Variants in MYO3B observed in about 807,000 individuals in gnomAD.
The protein encoded by MYO3B is myosin IIIB.
MYO3B carries 156 observed loss-of-function variants against 174.6 expected under a neutral mutation model. The observed-to-expected ratio is 0.89, with a 90% CI of 0.78 to 1.02. MYO3B has a LOEUF of 1.02. Ranked by LOEUF, MYO3B falls within the 50% of genes least tolerant of loss-of-function variation. MYO3B has a pLI of 0.00. For missense variants in MYO3B, 1,632 were observed against 1,639.4 expected (o/e 1.00, Z 0.08); for synonymous variants, 563 against 569.1 (o/e 0.99, Z 0.15).
Position 170,646,807 on chromosome 2 carries a change from A to G in MYO3B, c.3734-4821A>G, listed in dbSNP as rs1038976970. ...TTAACCTTATGGTGTATGAATTAAT[A>G]GAGAAGCAGTAACAATTGTTAAATT... On this transcript the variant is annotated intron_variant, in intron 32 of 34. Transcript: ENST00000408978. 1.7e-5 allele frequency: 11 copies of G among 661,962 alleles called. No individual in the cohort carries two copies. In the African/African-American group the frequency reaches 1.9e-4, roughly 11 times the overall value. The allele number at this position is 661,962 out of a possible 1,614,324, so 41.0% of individuals were successfully genotyped here. A position where few individuals can be genotyped will look rare whatever the true frequency, so the allele number is the denominator to read the frequency against.
At chr2:170,412,876 C>T (rs1260994493) in intron 22 of MYO3B, among the ~76,000 whole-genome samples, 1 of 152,152 alleles carries the variant, frequency 6.6e-6, no homozygotes, top group Non-Finnish European at 1.5e-5. Flanking sequence ...TCAGGGAGGC[C>T]TGGGGAGTGA....
At chr2:170,466,440 C>A (rs556421085) in intron 24 of MYO3B, 66 bp from the exon 25 acceptor site, 6 of 1,468,370 alleles carry the variant, frequency 4.1e-6, no homozygotes, top group Non-Finnish European at 5.7e-6. Context: ...CTTCTGCGGG[C>A]CTGTGTTGTA....
intron 30 of MYO3B, among the ~76,000 whole-genome samples, chr2:170,526,708 C>T (rs1300420870): frequency 2.0e-5 from 3 of 152,176 alleles, no homozygotes; most frequent in African/African-American, 7.2e-5. Flanking sequence ...CGTGTATTTT[C>T]AAAACCTTTT....
chr2:170,361,528 C>A (rs2094160939), intron 8 of MYO3B, among the ~76,000 whole-genome samples: 1 of 152,210 alleles, frequency 6.6e-6, no homozygotes, highest in Non-Finnish European at 1.5e-5. Context: ...CAACCTTATC[C>A]CCATTCTTTG....
chr2:170,383,539 G>C (rs1171723352), intron 11 of MYO3B, among the ~76,000 whole-genome samples, 171 bp from the exon 12 acceptor site: 1 of 152,146 alleles, frequency 6.6e-6, no homozygotes, highest in Non-Finnish European at 1.5e-5. Context: ...AAGCCAGTAA[G>C]TATAGAAGTG....
chr2:170,332,655 T>A (rs1255087328), intron 7 of MYO3B, among the ~76,000 whole-genome samples: 1 of 152,172 alleles, frequency 6.6e-6, no homozygotes, highest in Non-Finnish European at 1.5e-5. Context: ...CAAATGAGGT[T>A]CTCTTAACCA....
intron 7 of MYO3B, among the ~76,000 whole-genome samples, chr2:170,308,371 G>A (rs2093715003): frequency 6.6e-6 from 1 of 152,206 alleles, no homozygotes; most frequent in African/African-American, 2.4e-5. Context: ...ATGTTGCTGA[G>A]TGCGACACAT....
rs6715525 is a variant in MYO3B at position 170,561,351 on chromosome 2, A to G, written c.3733+17363A>G. 4.5e-3 allele frequency among the ~76,000 whole-genome samples: 682 copies of G among 152,348 alleles called. 4 individuals carry two copies. The highest frequency in any genetic ancestry group is 0.015 in the African/African-American group (641 of 41,580). On this transcript the variant is annotated intron_variant, in intron 32 of 34. Coordinates refer to ENST00000408978, the MANE Select transcript of MYO3B (RefSeq NM_138995.5). Reference sequence around the variant, plus strand: ...CATATACTGCATAAAGGTTTTACTTACTAGTTATCTGTACCCAGAGGATTC... The same window carrying G: ...CATATACTGCATAAAGGTTTTACTTGCTAGTTATCTGTACCCAGAGGATTC...
At chr2:170,626,315 T>C (rs1696426588) in intron 32 of MYO3B, among the ~76,000 whole-genome samples, 1 of 152,234 alleles carries the variant, frequency 6.6e-6, no homozygotes, top group African/African-American at 2.4e-5. Context: ...GTAATGGCCT[T>C]CTTTATCTCT....
intron 32 of MYO3B, among the ~76,000 whole-genome samples, chr2:170,628,907 G>A (rs1214604984): frequency 1.3e-5 from 2 of 152,000 alleles, no homozygotes; most frequent in Non-Finnish European, 1.5e-5. Context: ...ACTCTGATCA[G>A]GTCTGGGTTT....
chr2:170,628,950 A>G (rs1696703048), intron 32 of MYO3B, among the ~76,000 whole-genome samples: 1 of 152,166 alleles, frequency 6.6e-6, no homozygotes, highest in Non-Finnish European at 1.5e-5. Context: ...ATGTAGGCAC[A>G]CTTACATCCT....
At chr2:170,518,169 G>A (rs367686815) in intron 29 of MYO3B, among the ~76,000 whole-genome samples, 172 of 152,238 alleles carry the variant, frequency 1.1e-3, no homozygotes, top group African/African-American at 3.9e-3. Flanking sequence ...GAACCAAACT[G>A]ACAATTTAAA....
At chr2:170,397,221 T>G (rs2094446610) in intron 16 of MYO3B, among the ~76,000 whole-genome samples, 5 of 152,240 alleles carry the variant, frequency 3.3e-5, no homozygotes, top group Admixed American at 3.3e-4. Flanking sequence ...TCGTTTAAAA[T>G]CTTCATTTGT....
chr2:170,312,238 A>G (rs1291272818), intron 7 of MYO3B, among the ~76,000 whole-genome samples: 1 of 152,246 alleles, frequency 6.6e-6, no homozygotes, highest in Non-Finnish European at 1.5e-5. Context: ...TGATTTCATG[A>G]TATGACTACT....
intron 32 of MYO3B, among the ~76,000 whole-genome samples, chr2:170,635,860 G>A (rs560588076): frequency 2.6e-5 from 4 of 152,170 alleles, no homozygotes; most frequent in South Asian, 2.1e-4. Flanking sequence ...AACCAAGTTC[G>A]TAACCACATG....
chr2:170,649,294 T>A (rs1440609221), intron 32 of MYO3B, among the ~76,000 whole-genome samples: 1 of 76,348 alleles, frequency 1.3e-5, no homozygotes, highest in Admixed American at 2.4e-4. Context: ...ATATATTATA[T>A]ATAAAATAAT....
At chr2:170,397,980 G>A (rs1024611838) in intron 16 of MYO3B, among the ~76,000 whole-genome samples, 7 of 152,008 alleles carry the variant, frequency 4.6e-5, no homozygotes, top group African/African-American at 1.7e-4. Context: ...CCAGCACTTT[G>A]GGAGTCCGAG....
intron 30 of MYO3B, among the ~76,000 whole-genome samples, chr2:170,521,549 C>G (rs1407601596): frequency 6.6e-6 from 1 of 152,196 alleles, no homozygotes; most frequent in Admixed American, 6.5e-5. Flanking sequence ...TAGAATCTCT[C>G]CTTATCTTCG....
rs180936760 is a variant in MYO3B at position 170,195,326 on chromosome 2, G to A, written c.3-3882G>A. On this transcript the variant is annotated intron_variant, in intron 1 of 34. Transcript: ENST00000408978. ...TAAACCTCAAACCCCAGGCTCCACA[G>A]AAGATGAGAAGAACAGAAGAACGGC... is the stretch of plus-strand genomic sequence containing the variant. Among the ~76,000 whole-genome samples the A allele has an allele frequency of 4.2e-3, 646 of 152,158 alleles. 4 individuals are homozygous for A. Among genetic ancestry groups the A allele is most frequent in the African/African-American group, 0.015 (612 of 41,524 alleles).
Sources: allele counts gnomAD v4.1 joint callset (sites outside exome capture counted in the v4.1 genomes callset), GRCh38; gene constraint gnomAD v4.1.1; transcripts MANE v1.5; gene names NCBI Gene and HGNC (gene_info 2026-07-23, HGNC 2026-07-21).